DOCK11: variants seen among roughly 807,000 people sequenced by gnomAD.
DOCK11 encodes dedicator of cytokinesis 11.
In DOCK11, 70 loss-of-function variants were observed where a neutral mutation model predicts 169.1. That is an observed-to-expected ratio of 0.41 (90% confidence interval 0.34 to 0.51). The LOEUF is 0.51. Ranked by LOEUF, DOCK11 falls within the 20% of genes least tolerant of loss-of-function variation. The pLI is 0.10. For missense variants in DOCK11, 1,166 were observed against 1,538.8 expected, an observed-to-expected ratio of 0.76 and a Z score of 4.05; for synonymous variants, 529 against 541.3, an observed-to-expected ratio of 0.98 and a Z score of 0.32.
At chrX:118,658,895 T>C (rs2016146440) in intron 44 of DOCK11, among the ~76,000 whole-genome samples, 1 of 111,476 alleles carries the variant, frequency 9.0e-6, no homozygotes. Context: ...AATAGCATCC[T>C]AGGTTCAGCA....
chrX:118,667,644 C>A (rs188527745), intron 45 of DOCK11, among the ~76,000 whole-genome samples: 1 of 111,043 alleles, frequency 9.0e-6, no homozygotes, highest in Non-Finnish European at 1.9e-5. Context: ...TGTTAGCCCT[C>A]CAGCTTTATT....
rs1366469415 is a variant in DOCK11, at chrX:118,588,083, G to A, written c.1796-54G>A. The A allele has an allele frequency of 2.1e-5, 20 of 959,347 alleles. No homozygotes were observed. In the South Asian group the frequency reaches 5.5e-4, roughly 26 times the overall value. The allele number at this position is 959,347 out of a possible 1,213,427, so 79.1% of individuals were successfully genotyped here. ...GTATATTTTTTATACATGCAGGAATGTGTTAATGATTATTAAACTGAATGA... is the reference window on the plus strand; with the variant it reads ...GTATATTTTTTATACATGCAGGAATATGTTAATGATTATTAAACTGAATGA... On this transcript the variant is annotated intron_variant, in intron 16 of 52. Transcript: ENST00000276202.
At chrX:118,585,693 A>G (rs2013795740) in intron 16 of DOCK11, among the ~76,000 whole-genome samples, 1 of 109,365 alleles carries the variant, frequency 9.1e-6, no homozygotes, top group Non-Finnish European at 1.9e-5. Flanking sequence ...GCTGTTTCAT[A>G]TATACGAAGT....
intron 30 of DOCK11, among the ~76,000 whole-genome samples, chrX:118,617,089 T>G (rs1318006221): frequency 2.7e-5 from 3 of 111,918 alleles, no homozygotes. Context: ...TTGTATTAAG[T>G]GCTGAACAGG....
chrX:118,625,259 A>G (rs1335513135), intron 32 of DOCK11, among the ~76,000 whole-genome samples: 1 of 107,358 alleles, frequency 9.3e-6, no homozygotes, highest in Non-Finnish European at 1.9e-5. Flanking sequence ...GGTTCAAGGG[A>G]TTCTCCTGCC....
At chrX:118,580,376 G>A (rs1282371712) in intron 14 of DOCK11, among the ~76,000 whole-genome samples, 197 bp downstream of exon 14, 1 of 111,730 alleles carries the variant, frequency 9.0e-6, no homozygotes, top group Admixed American at 9.5e-5. Context: ...GAGTGCAGTG[G>A]CGCGATCTCG....
At chrX:118,628,350 T>C in intron 34 of DOCK11, 78 bp downstream of exon 34, 1 of 646,237 alleles carries the variant, frequency 1.5e-6, no homozygotes, top group Non-Finnish European at 2.4e-6. Flanking sequence ...AATATGAGCA[T>C]CTGTACTCAC....
intron 12 of DOCK11, among the ~76,000 whole-genome samples, chrX:118,575,558 C>T: frequency 8.9e-6 from 1 of 111,859 alleles, no homozygotes; most frequent in Non-Finnish European, 1.9e-5. Flanking sequence ...GACTGCTTTA[C>T]ATGGACTGTC....
chrX:118,500,087 C>T (rs2057564351), intron 1 of DOCK11, among the ~76,000 whole-genome samples: 1 of 106,959 alleles, frequency 9.3e-6, no homozygotes, highest in Non-Finnish European at 1.9e-5. Context: ...CTCCCTCTGT[C>T]GCCCAGACTG....
intron 40 of DOCK11, among the ~76,000 whole-genome samples, chrX:118,647,028 A>G (rs1413236396): frequency 9.0e-6 from 1 of 110,786 alleles, no homozygotes; most frequent in Non-Finnish European, 1.9e-5. Context: ...AAGCAGACTG[A>G]ATACATTCTT....
At position 118,662,704 on chromosome X, in the gene DOCK11, G is replaced by A. The variant is rs1194997147; in HGVS notation, c.4988G>A (p.Cys1663Tyr). Residue 1663 changes from cysteine to tyrosine, a missense_variant, in exon 45 of 53, where the codon TGT becomes TAT. Transcript: ENST00000276202. ...CACACAGAATTATTTCCTAACGGAT[G>A]TTCAGCGTTCAAGAAAATTACTCCC... ...LHRKKLFPNG[C>Y]SAFKKITPNI... The A allele has an allele frequency of 2.5e-6, 3 of 1,178,963 alleles. No individual in the cohort carries two copies.
At chrX:118,632,904 A>G (rs970994160) in intron 35 of DOCK11, 5 of 99,901 alleles carry the variant, frequency 5.0e-5, no homozygotes, top group Admixed American at 1.2e-4. Context: ...AATTGACAAG[A>G]AGACTGTTCT....
chrX:118,659,649 T>C (rs1444511236), intron 44 of DOCK11, among the ~76,000 whole-genome samples: 1 of 112,150 alleles, frequency 8.9e-6, no homozygotes, highest in Admixed American at 9.4e-5. Flanking sequence ...TGCATTAAGA[T>C]AACACACTTA....
chrX:118,624,754 CTTTTTTTT>C, intron 32 of DOCK11, 99 bp downstream of exon 32: 8 of 235,130 alleles, frequency 3.4e-5, no homozygotes, highest in East Asian at 7.6e-5. Context: ...TAAGAGTTCA[CTTTTTTTT>C]TTTTTTTTTT....
At chrX:118,680,354 A>G in intron 48 of DOCK11, 128 bp from the exon 49 acceptor site, 1 of 324,618 alleles carries the variant, frequency 3.1e-6, no homozygotes. Flanking sequence ...TGGAAACACA[A>G]TTATAATGGC....
chrX:118,509,804 C>T (rs12859049), intron 1 of DOCK11, among the ~76,000 whole-genome samples: 13,980 of 111,883 alleles, frequency 0.12, 650 homozygotes, highest in Middle Eastern at 0.19. Flanking sequence ...GCCTCACTTC[C>T]TCCAGAAGCT....
At chrX:118,643,672 T>C (rs961432903) in intron 40 of DOCK11, 78 bp downstream of exon 40, 16 of 1,071,974 alleles carry the variant, frequency 1.5e-5, no homozygotes, top group Non-Finnish European at 2.0e-5. Flanking sequence ...GGGGTCATTG[T>C]GGTGACATAT....
At chrX:118,629,120 G>C (rs1002161511) in intron 34 of DOCK11, among the ~76,000 whole-genome samples, 1 of 111,371 alleles carries the variant, frequency 9.0e-6, no homozygotes, top group Non-Finnish European at 1.9e-5. Context: ...GTATTTCTAA[G>C]TTCCCAGGTG....
At chrX:118,605,161 AT>A in intron 23 of DOCK11, 76 bp from the exon 24 acceptor site, 1 of 637,888 alleles carries the variant, frequency 1.6e-6, no homozygotes, top group Non-Finnish European at 2.4e-6. Context: ...TCACTACTTA[AT>A]TTTTTTGCTG....
Sources: gnomAD v4.1 joint callset for allele counts (sites outside exome capture counted in the v4.1 genomes callset) on GRCh38, gnomAD v4.1.1 for gene constraint, MANE v1.5 for transcripts, NCBI Gene and HGNC (gene_info 2026-07-23, HGNC 2026-07-21) for gene names.